Variants in RUFY3 observed in about 807,000 individuals in gnomAD.
RUFY3 encodes RUN and FYVE domain containing 3.
In RUFY3, 34 loss-of-function variants were observed where a neutral mutation model predicts 84.0. The observed-to-expected ratio is 0.40, with a 90% confidence interval of 0.31 to 0.54. The LOEUF is 0.54. RUFY3 is among the 20% of genes least tolerant of loss of function. The pLI is 0.39. For synonymous variants in RUFY3, 242 were observed against 252.9 expected (o/e 0.96, Z 0.41); for missense variants, 507 against 736.8 (o/e 0.69, Z 3.61).
At chr4:70,769,769 T>A (rs1160940923) in intron 5 of RUFY3, among the ~76,000 whole-genome samples, 5 of 152,230 alleles carry the variant, frequency 3.3e-5, no homozygotes, top group Admixed American at 6.5e-5. Flanking sequence ...TAAACCATGC[T>A]GTAAACAGAT....
chr4:70,711,015 A>G (rs569975218), intron 1 of RUFY3, among the ~76,000 whole-genome samples: 1 of 146,614 alleles, frequency 6.8e-6, no homozygotes, highest in African/African-American at 2.6e-5. Context: ...CAGTGAGCCA[A>G]GATCCGCCAC....
chr4:70,762,965 G>A lies in RUFY3; in HGVS notation c.352+273G>A, dbSNP rs191763699. 7.2e-5 allele frequency among the ~76,000 whole-genome samples: 11 copies of A among 152,240 alleles called. No homozygotes were observed. The East Asian group carries it at 2.1e-3, about 29-fold the overall frequency. On this transcript the variant is annotated intron_variant, in intron 2 of 17. Transcript: ENST00000381006. ...AGTTCTGTTTGACAGGTGGAAATAGGCCTGCCCAGAATGAGACATGACTTG... is the reference window on the plus strand; with the variant it reads ...AGTTCTGTTTGACAGGTGGAAATAGACCTGCCCAGAATGAGACATGACTTG...
intron 10 of RUFY3, among the ~76,000 whole-genome samples, chr4:70,787,123 T>C (rs1729943984): frequency 8.6e-6 from 1 of 115,640 alleles, no homozygotes. Context: ...TGAGCCAAGA[T>C]CACACTGCAC....
At chr4:70,783,805 A>C (rs975443134) in intron 9 of RUFY3, among the ~76,000 whole-genome samples, 3 of 152,212 alleles carry the variant, frequency 2.0e-5, no homozygotes, top group Non-Finnish European at 2.9e-5. Flanking sequence ...AGCTTCTGAC[A>C]CCTACACTTA....
intron 17 of RUFY3, 85 bp downstream of exon 17, chr4:70,804,501 C>T (rs1732621333): frequency 1.7e-6 from 2 of 1,186,080 alleles, no homozygotes; most frequent in Non-Finnish European, 2.5e-6. Context: ...CAGGGACTTT[C>T]CCGCATAGAG....
chr4:70,794,476 G>C (rs924911141), intron 13 of RUFY3, among the ~76,000 whole-genome samples: 1 of 152,258 alleles, frequency 6.6e-6, no homozygotes, highest in South Asian at 2.1e-4. Flanking sequence ...AGCTACTCGG[G>C]AGGCTGAGGC....
At chr4:70,784,931 C>A in intron 10 of RUFY3, 52 bp downstream of exon 10, 1 of 1,290,192 alleles carries the variant, frequency 7.8e-7, no homozygotes, top group Non-Finnish European at 1.1e-6. Flanking sequence ...AAGGTAACTG[C>A]CCACTTAGAG....
intron 14 of RUFY3, among the ~76,000 whole-genome samples, chr4:70,797,360 A>G (rs1052456359): frequency 6.6e-6 from 1 of 152,222 alleles, no homozygotes; most frequent in African/African-American, 2.4e-5. Context: ...TTTGAAGTCC[A>G]TGCACAGTCT....
intron 1 of RUFY3, among the ~76,000 whole-genome samples, chr4:70,707,351 C>T (rs554324768): frequency 3.7e-4 from 57 of 152,282 alleles, no homozygotes; most frequent in African/African-American, 1.3e-3. Flanking sequence ...CTCCGCCTCC[C>T]GATTTCAAAC....
At chr4:70,745,584 TAGTC>T (rs1299138888) in intron 1 of RUFY3, among the ~76,000 whole-genome samples, 7 of 152,188 alleles carry the variant, frequency 4.6e-5, no homozygotes, top group Admixed American at 1.3e-4. Context: ...AGGATTAAAA[TAGTC>T]AGGACAGTAC....
chr4:70,722,467 A>G lies in RUFY3; in HGVS notation c.-107A>G. ...CCTTTTCCTGAAAGCTTTGTTTCAG[A>G]GCTTTGTATTGGGTTTTTTTGGTGA... On this transcript the variant is annotated 5_prime_UTR_variant, in exon 1 of 18. Transcript: ENST00000381006. 2 of 1,367,082 alleles carry G rather than the reference A, an allele frequency of 1.5e-6. No individual in the cohort carries two copies. The highest frequency in any genetic ancestry group is 9.5e-7 in the Non-Finnish European group (1 of 1,055,286). 84.7% of individuals were successfully genotyped at this position (1,367,082 alleles called of 1,614,324 possible). A position where few individuals can be genotyped will look rare whatever the true frequency, so the allele number is the denominator to read the frequency against.
chr4:70,705,056 A>G (rs1740102128), exon 1 of RUFY3: 1 of 1,271,732 alleles, frequency 7.9e-7, no homozygotes, highest in Middle Eastern at 3.1e-4. Flanking sequence ...GCACGGACCG[A>G]GAGGGCGAGG....
intron 1 of RUFY3, among the ~76,000 whole-genome samples, chr4:70,754,131 C>A (rs778944575): frequency 2.8e-4 from 42 of 151,786 alleles, no homozygotes; most frequent in Non-Finnish European, 4.4e-4. Context: ...TGGCTCACTG[C>A]AGTTTCTGCC....
chr4:70,791,444 CA>C, intron 12 of RUFY3: 1 of 1,390,744 alleles, frequency 7.2e-7, no homozygotes, highest in Non-Finnish European at 9.3e-7. Flanking sequence ...TTTAAAAAAC[CA>C]GTTGGAAATA....
At chr4:70,802,846 G>A (rs1023571313) in intron 15 of RUFY3, 110 bp from the exon 16 acceptor site, 3 of 717,944 alleles carry the variant, frequency 4.2e-6, no homozygotes, top group Admixed American at 5.4e-5. Context: ...AAGACCTACA[G>A]TATTTCTTGT....
chr4:70,721,789 T>C, upstream of RUFY3: 1 of 864,140 alleles, frequency 1.2e-6, no homozygotes, highest in Non-Finnish European at 1.4e-6. Flanking sequence ...TGAGGATATG[T>C]GCATTGTGTT....
chr4:70,712,337 T>G (rs1045891214), intron 1 of RUFY3, among the ~76,000 whole-genome samples: 2 of 152,204 alleles, frequency 1.3e-5, no homozygotes, highest in Admixed American at 1.3e-4. Flanking sequence ...TGAATTCATA[T>G]TCCTCAATAG....
chr4:70,748,558 A>G (rs1024562654), intron 1 of RUFY3, among the ~76,000 whole-genome samples: 1 of 152,166 alleles, frequency 6.6e-6, no homozygotes, highest in African/African-American at 2.4e-5. Context: ...AAATTAATAA[A>G]GCCTCTTGCT....
At chr4:70,715,910 A>G (rs1211675910) in intron 1 of RUFY3, among the ~76,000 whole-genome samples, 2 of 152,100 alleles carry the variant, frequency 1.3e-5, no homozygotes, top group Non-Finnish European at 2.9e-5. Context: ...TCAGGAGATC[A>G]AGACCATCCT....
Sources: gnomAD v4.1 joint callset for allele counts (sites outside exome capture counted in the v4.1 genomes callset) on GRCh38, gnomAD v4.1.1 for gene constraint, MANE v1.5 for transcripts, NCBI Gene and HGNC (gene_info 2026-07-23, HGNC 2026-07-21) for gene names.